The following PDE4D variants were observed in gnomAD, a reference collection of about 807,000 sequenced individuals.
PDE4D encodes 3',5'-cyclic-AMP phosphodiesterase 4D.
A neutral mutation model predicts 87.4 loss-of-function variants in PDE4D; 24 were observed. That is an observed-to-expected ratio of 0.27 (90% CI 0.20 to 0.39). The LOEUF (loss-of-function observed/expected upper bound fraction) is 0.39. PDE4D is among the 10% of genes least tolerant of loss of function. The probability of loss-of-function intolerance (pLI) is 1.00; values close to 1 mark genes in which losing one functional copy is unlikely to be tolerated. For synonymous variants in PDE4D, 384 were observed against 383.2 expected, an observed-to-expected ratio of 1.00 and a Z score of -0.02; for missense variants, 714 against 1,041.0, an observed-to-expected ratio of 0.69 and a Z score of 4.32.
At chr5:60,438,803 A>G (rs2898278) in intron 1 of PDE4D, among the ~76,000 whole-genome samples, 21,270 of 152,162 alleles carry the variant, frequency 0.14, 1,586 homozygotes, top group African/African-American at 0.17. Flanking sequence ...ATGAATTAAA[A>G]TTAAAACAAA....
At chr5:59,276,122 G>GAAAAAAAAAAAAA (rs56153175) in intron 1 of PDE4D, 2 of 787,086 alleles carry the variant, frequency 2.5e-6, no homozygotes, top group Non-Finnish European at 3.0e-6. Flanking sequence ...AGTGAGAAAG[G>GAAAAAAAAAAAAA]AAAAAAAAAA....
At chr5:60,061,727 C>T (rs899579722) in intron 2 of PDE4D, among the ~76,000 whole-genome samples, 1 of 152,112 alleles carries the variant, frequency 6.6e-6, no homozygotes, top group Non-Finnish European at 1.5e-5. Context: ...GGTATCAAAA[C>T]AGACACATAT....
At chr5:59,693,973 C>A (rs557261638) in intron 1 of PDE4D, among the ~76,000 whole-genome samples, 1 of 152,072 alleles carries the variant, frequency 6.6e-6, no homozygotes, top group South Asian at 2.1e-4. Context: ...TAAAGAAATA[C>A]AGGCAACTCA....
At chr5:59,227,543 A>G (rs920519490) in intron 1 of PDE4D, among the ~76,000 whole-genome samples, 3 of 152,226 alleles carry the variant, frequency 2.0e-5, no homozygotes. Context: ...AAATTAAACG[A>G]ACATTCAAGC....
chr5:59,823,934 C>T (rs889191624), intron 1 of PDE4D, among the ~76,000 whole-genome samples: 4 of 151,160 alleles, frequency 2.6e-5, no homozygotes, highest in African/African-American at 4.9e-5. Flanking sequence ...AGAAAAGCCT[C>T]CTTTGGCTGG....
intron 1 of PDE4D, among the ~76,000 whole-genome samples, chr5:59,863,332 A>C (rs1408576659): frequency 6.6e-6 from 1 of 152,168 alleles, no homozygotes; most frequent in African/African-American, 2.4e-5. Context: ...CCCATTATTT[A>C]TATATGTGAA....
At position 59,629,569 on chromosome 5, in the gene PDE4D, C is replaced by A. The variant is rs760471217; in HGVS notation, c.455+263599G>T. On this transcript the variant is annotated intron_variant, in intron 1 of 14. Coordinates refer to ENST00000340635, the MANE Select transcript of PDE4D (RefSeq NM_001104631.2). Reference sequence around the variant, plus strand: ...GAAACAGATCCTTCCTCACAGCCCTCGGAAAGAACCAACCCTGCCAACACC... The same window carrying A: ...GAAACAGATCCTTCCTCACAGCCCTAGGAAAGAACCAACCCTGCCAACACC... 1.3e-3 allele frequency among the ~76,000 whole-genome samples: 205 copies of A among 152,200 alleles called. 2 individuals are homozygous for A. The highest frequency in any genetic ancestry group is 6.8e-3 in the Middle Eastern group (2 of 294).
At chr5:60,130,024 C>T (rs1256213974) in intron 2 of PDE4D, among the ~76,000 whole-genome samples, 1 of 151,930 alleles carries the variant, frequency 6.6e-6, no homozygotes, top group Non-Finnish European at 1.5e-5. Flanking sequence ...TAAAAGAGGC[C>T]CCAGAGACCT....
chr5:59,980,386 T>C (rs1761798698), intron 3 of PDE4D, among the ~76,000 whole-genome samples: 1 of 152,238 alleles, frequency 6.6e-6, no homozygotes, highest in African/African-American at 2.4e-5. Flanking sequence ...GTAAAATAAA[T>C]GCTTCCTTGG....
intron 2 of PDE4D, among the ~76,000 whole-genome samples, chr5:60,072,110 T>C (rs1016913885): frequency 6.6e-6 from 1 of 152,172 alleles, no homozygotes; most frequent in Non-Finnish European, 1.5e-5. Context: ...CTTTCTACAA[T>C]AGTTTAACTA....
At chr5:59,122,678 A>G (rs1231237869) in intron 5 of PDE4D, among the ~76,000 whole-genome samples, 1 of 152,238 alleles carries the variant, frequency 6.6e-6, no homozygotes, top group East Asian at 1.9e-4. Context: ...AACAAAGATA[A>G]TTTACTGAAG....
rs1346019174 is a variant in PDE4D at position 59,054,381 on chromosome 5, G to T, written c.809-15410C>A. Reference sequence around the variant, plus strand: ...CTGGTAGATTTGTTTAAAGTAAGAGGTGCTCACTTTTGAAGGCATGTGGAT... The same window carrying T: ...CTGGTAGATTTGTTTAAAGTAAGAGTTGCTCACTTTTGAAGGCATGTGGAT... On this transcript the variant is annotated intron_variant, in intron 5 of 14. Coordinates refer to ENST00000340635, the MANE Select transcript of PDE4D (RefSeq NM_001104631.2). 5.9e-5 allele frequency among the ~76,000 whole-genome samples: 9 copies of T among 152,106 alleles called. No homozygotes were observed. In the South Asian group the frequency reaches 1.9e-3, roughly 32 times the overall value.
At chr5:59,131,604 ACACACACACACACAC>A (rs775615477) in intron 5 of PDE4D, among the ~76,000 whole-genome samples, 24,784 of 77,878 alleles carry the variant, frequency 0.32, 2,186 homozygotes, top group Non-Finnish European at 0.33. Context: ...TAAAACACAC[ACACACACACACACAC>A]ACACACACAC....
At chr5:60,401,160 A>G (rs947925344) in intron 1 of PDE4D, among the ~76,000 whole-genome samples, 8 of 152,206 alleles carry the variant, frequency 5.3e-5, no homozygotes, top group Non-Finnish European at 8.8e-5. Flanking sequence ...AAACTATCTT[A>G]TGTGGTAAAA....
intron 5 of PDE4D, among the ~76,000 whole-genome samples, chr5:59,053,545 CCTT>C (rs1449732731): frequency 4.0e-5 from 6 of 151,670 alleles, no homozygotes; most frequent in African/African-American, 9.7e-5. Context: ...ATATGTGTGT[CCTT>C]CTGAAGACTT....
At chr5:59,874,930 T>C (rs1292873064) in intron 1 of PDE4D, among the ~76,000 whole-genome samples, 1 of 152,168 alleles carries the variant, frequency 6.6e-6, no homozygotes, top group African/African-American at 2.4e-5. Context: ...AGAGGTCCCA[T>C]CTGAGGTCCA....
intron 1 of PDE4D, among the ~76,000 whole-genome samples, chr5:59,427,473 C>G (rs1045306503): frequency 6.6e-6 from 1 of 152,146 alleles, no homozygotes; most frequent in South Asian, 2.1e-4. Context: ...TCCACACACT[C>G]AAAAACTTTA....
chr5:60,081,631 C>T (rs932822131), intron 2 of PDE4D, among the ~76,000 whole-genome samples: 2 of 152,076 alleles, frequency 1.3e-5, no homozygotes, highest in African/African-American at 4.8e-5. Flanking sequence ...TGGATTTCTG[C>T]CTTAATTTCA....
At chr5:60,413,259 C>G (rs1210577868) in intron 1 of PDE4D, among the ~76,000 whole-genome samples, 1 of 152,154 alleles carries the variant, frequency 6.6e-6, no homozygotes, top group Non-Finnish European at 1.5e-5. Context: ...GAGCAATATA[C>G]TTTATAACAT....
Sources: gnomAD v4.1 joint callset for allele counts (sites outside exome capture counted in the v4.1 genomes callset) on GRCh38, gnomAD v4.1.1 for gene constraint, MANE v1.5 for transcripts, NCBI Gene and HGNC (gene_info 2026-07-23, HGNC 2026-07-21) for gene names.